Variants in SLC9A5 observed in about 807,000 individuals in gnomAD.
SLC9A5 encodes the protein sodium/hydrogen exchanger 5.
Under a neutral mutation model 91.7 loss-of-function variants are expected in SLC9A5, and 52 were observed. The observed-to-expected ratio is 0.57, with a 90% confidence interval of 0.45 to 0.71. The LOEUF (loss-of-function observed/expected upper bound fraction) is 0.71. SLC9A5 is among the 30% of genes least tolerant of loss of function. The pLI is 0.00. For synonymous variants in SLC9A5, 419 were observed against 474.5 expected, an observed-to-expected ratio of 0.88 and a Z score of 1.52; for missense variants, 871 against 1,158.9, an observed-to-expected ratio of 0.75 and a Z score of 3.61.
At position 67,259,646 on chromosome 16, in the gene SLC9A5, C is replaced by T; in HGVS notation, c.1700C>T (p.Ser567Phe). 6.2e-7 allele frequency: 1 copy of T among 1,614,150 alleles called. No homozygotes were observed. The highest frequency in any genetic ancestry group is 8.5e-7 in the Non-Finnish European group (1 of 1,180,024). The change falls in exon 11 of 16, where the codon TCT becomes TTT. Residue 567 changes from serine (S) to phenylalanine (F), a missense_variant. Ser to Phe is a radical substitution (Grantham distance 155, BLOSUM62 -2). Around this residue, in one of 3 missense-constraint regions of SLC9A5, gnomAD observed 454 missense variants for 718.3 expected, o/e 0.63. Coordinates refer to ENST00000299798, the MANE Select transcript of SLC9A5 (RefSeq NM_004594.3). The part of the protein sequence containing the change: ...MPSRNSVAET[S>F]VTNLLRESGS... The stretch of plus-strand genomic sequence containing the variant: ...AGCCGCAATTCTGTGGCAGAAACTT[C>T]TGTCACCAACCTGCTGTGAGTCCTT...
chr16:67,252,915 C>A lies in SLC9A5; in HGVS notation c.490+71C>A. ...TCCCTTCTCCTCAAGCTCTGGAGGC[C>A]CATGCTGGTGTGAGCCATGCCCTGA... On this transcript the variant is annotated intron_variant, in intron 2 of 15. Coordinates refer to ENST00000299798, the MANE Select transcript of SLC9A5 (RefSeq NM_004594.3). The surrounding 1 kb of genome is among the most constrained non-coding windows in gnomAD (Gnocchi z 4.0). 7.3e-7 allele frequency: 1 copy of A among 1,378,788 alleles called. No individual in the cohort carries two copies. The highest frequency in any genetic ancestry group is 2.4e-5 in the East Asian group (1 of 41,440). 85.4% of individuals were successfully genotyped at this position (1,378,788 alleles called of 1,614,324 possible). A position where few individuals can be genotyped will look rare whatever the true frequency, so the allele number is the denominator to read the frequency against.
In SLC9A5 at chr16:67,271,132, C is replaced by T; in HGVS notation, c.2613C>T (p.His871=). 3 of 1,613,650 alleles carry T rather than the reference C, an allele frequency of 1.9e-6. No individual in the cohort carries two copies. Among genetic ancestry groups the T allele is most frequent in the Non-Finnish European group, 2.5e-6 (3 of 1,180,032 alleles). The change falls in exon 16 of 16, where the codon CAC becomes CAT. Residue 871 remains histidine (H), a synonymous_variant. Coordinates refer to ENST00000299798, the MANE Select transcript of SLC9A5 (RefSeq NM_004594.3). ...AGGAGCTGCAGCCCCTCATGGGCCA[C>T]AAGGACCACACCCATCTCAGCCCAG... ...QQQELQPLMG[H]KDHTHLSPGT...
chr16:67,256,698 G>T lies in SLC9A5; in HGVS notation c.1132+9G>T, dbSNP rs754560602. On this transcript the variant is annotated intron_variant, in intron 6 of 15. Transcript: ENST00000299798. This position sits in a 1 kb window ranked among gnomAD's most constrained non-coding sequence, Gnocchi z 4.1. ...GTTCTTCCGAGCCCTCGGTATTGCT[G>T]GCACCCTCTGCTTTCCCACTCTCCT... 2.5e-6 allele frequency: 4 copies of T among 1,601,998 alleles called. No individual in the cohort carries two copies. The highest frequency in any genetic ancestry group is 3.4e-6 in the Non-Finnish European group (4 of 1,171,354).
chr16:67,253,189 C>T (rs1461492650), intron 2 of SLC9A5, among the ~76,000 whole-genome samples: 2 of 152,266 alleles, frequency 1.3e-5, no homozygotes, highest in East Asian at 3.9e-4. Context: ...ATCATTTCTG[C>T]AAGGGCCTGC....
chr16:67,263,423 C>G (rs1026092416), intron 12 of SLC9A5: 4 of 149,618 alleles, frequency 2.7e-5, no homozygotes, highest in South Asian at 2.1e-4. Context: ...TGAAAAGGTG[C>G]TAAGCAAGGA....
At chr16:67,250,380 C>G (rs974425713) in intron 1 of SLC9A5, among the ~76,000 whole-genome samples, 4 of 152,056 alleles carry the variant, frequency 2.6e-5, no homozygotes. Context: ...AAAGTAGGGA[C>G]AAGTATGGAG....
intron 12 of SLC9A5, among the ~76,000 whole-genome samples, chr16:67,260,354 CAAAAAAAAAAA>C (rs397932908): frequency 3.0e-5 from 1 of 33,468 alleles, no homozygotes; most frequent in African/African-American, 1.9e-4. Flanking sequence ...GACTCCATCT[CAAAAAAAAAAA>C]AAAAAAAAAA....
intron 12 of SLC9A5, 29 bp downstream of exon 12, chr16:67,259,975 A>C: frequency 1.2e-6 from 2 of 1,609,458 alleles, no homozygotes; most frequent in Non-Finnish European, 1.7e-6. Flanking sequence ...CAGGATTTTG[A>C]GGGGGTGGAG....
At chr16:67,260,218 G>C (rs144253627) in intron 12 of SLC9A5, among the ~76,000 whole-genome samples, 2 of 151,866 alleles carry the variant, frequency 1.3e-5, no homozygotes, top group South Asian at 2.1e-4. Flanking sequence ...AGCTGGGTGC[G>C]GTGGCACATG....
intron 10 of SLC9A5, 44 bp from the exon 11 acceptor site, chr16:67,259,529 C>T (rs2035448513): frequency 7.0e-7 from 1 of 1,427,430 alleles, no homozygotes; most frequent in South Asian, 1.1e-5. Flanking sequence ...TCCTGGGCAA[C>T]CCTCCATCTG....
chr16:67,251,551 C>A (rs1235172702), intron 1 of SLC9A5, among the ~76,000 whole-genome samples: 2 of 151,326 alleles, frequency 1.3e-5, no homozygotes, highest in African/African-American at 4.9e-5. Context: ...GTAGCTGGGA[C>A]TACCGGCACC....
chr16:67,257,722 T>G lies in SLC9A5; in HGVS notation c.1496+121T>G, dbSNP rs1369474357. 1.0e-6 allele frequency: 1 copy of G among 1,003,948 alleles called. No individual in the cohort carries two copies. The highest frequency in any genetic ancestry group is 1.6e-5 in the African/African-American group (1 of 63,256). The allele number at this position is 1,003,948 out of a possible 1,614,324, so 62.2% of individuals were successfully genotyped here. ...AGGTTCAGGCTGGGTGACCTCTGCCTGAAGCCCTTCAGTGGCATCCCAGTG... is the reference window on the plus strand; with the variant it reads ...AGGTTCAGGCTGGGTGACCTCTGCCGGAAGCCCTTCAGTGGCATCCCAGTG... On this transcript the variant is annotated intron_variant, in intron 9 of 15. Coordinates refer to ENST00000299798, the MANE Select transcript of SLC9A5 (RefSeq NM_004594.3). This position sits in a 1 kb window ranked among gnomAD's most constrained non-coding sequence, Gnocchi z 5.1.
At chr16:67,265,211 C>T (rs2035661050) in intron 14 of SLC9A5, 105 bp downstream of exon 14, 7 of 1,025,348 alleles carry the variant, frequency 6.8e-6, no homozygotes, top group South Asian at 1.3e-5. Context: ...CATTCAGCAC[C>T]GTGACCTGGG....
Position 67,256,809 on chromosome 16 carries a change from G to A in SLC9A5, c.1133-102G>A. The A allele has an allele frequency of 7.2e-7, 1 of 1,380,098 alleles. No individual in the cohort carries two copies. The highest frequency in any genetic ancestry group is 1.0e-6 in the Non-Finnish European group (1 of 979,408). 85.5% of individuals were successfully genotyped at this position (1,380,098 alleles called of 1,614,324 possible). A position where few individuals can be genotyped will look rare whatever the true frequency, so the allele number is the denominator to read the frequency against. ...CTAAGCCTCCTCTTGTTGCTCACCT[G>A]TCCCAGCCCCTGTTAGACCTCAGCC... On this transcript the variant is annotated intron_variant, in intron 6 of 15. Coordinates refer to ENST00000299798, the MANE Select transcript of SLC9A5 (RefSeq NM_004594.3). The surrounding 1 kb of genome is among the most constrained non-coding windows in gnomAD (Gnocchi z 4.1).
At chr16:67,251,581 T>C (rs2035124954) in intron 1 of SLC9A5, among the ~76,000 whole-genome samples, 1 of 151,770 alleles carries the variant, frequency 6.6e-6, no homozygotes. Context: ...GCCCAGCTAA[T>C]TTTTGTATTT....
chr16:67,249,973 G>A (rs2035051956), intron 1 of SLC9A5, among the ~76,000 whole-genome samples: 1 of 152,162 alleles, frequency 6.6e-6, no homozygotes, highest in Non-Finnish European at 1.5e-5. Flanking sequence ...TGAGCAGCCA[G>A]TGGTCCCTCC....
chr16:67,264,574 A>C, intron 13 of SLC9A5, 52 bp downstream of exon 13: 2 of 1,587,330 alleles, frequency 1.3e-6, no homozygotes, highest in Non-Finnish European at 1.7e-6. Flanking sequence ...GACAGCAAGC[A>C]GTTTTGAGCC....
chr16:67,256,925 A>G lies in SLC9A5; in HGVS notation c.1147A>G (p.Thr383Ala). ...TCCCGCTGTAGGCGTAGTCCTGCAG[A>G]CCTGGGTGCTGAATCAGTTCCGGCT... is the stretch of plus-strand genomic sequence containing the variant. ...FFRALGVVLQTWVLNQFRLVP... is the reference protein window; with the variant it reads ...FFRALGVVLQAWVLNQFRLVP... The change falls in exon 7 of 16, where the codon ACC (threonine) becomes GCC (alanine). Residue 383 changes from threonine to alanine, a missense_variant. This residue lies in a region of SLC9A5 where 454 missense variants were observed against 718.3 expected (regional missense o/e 0.63). Coordinates refer to ENST00000299798, the MANE Select transcript of SLC9A5 (RefSeq NM_004594.3). This position sits in a 1 kb window ranked among gnomAD's most constrained non-coding sequence, Gnocchi z 4.1. 1 of 1,613,930 alleles carries G rather than the reference A, an allele frequency of 6.2e-7. No individual in the cohort carries two copies. The highest frequency in any genetic ancestry group is 8.5e-7 in the Non-Finnish European group (1 of 1,180,012).
rs757597015 is a variant in SLC9A5, at chr16:67,259,920, G to A, written c.1816G>A (p.Gly606Arg). Residue 606 changes from glycine to arginine, a missense_variant, in exon 12 of 16, where the codon GGA becomes AGA. Gly to Arg is a moderately radical substitution (Grantham distance 125). This residue lies in a region of SLC9A5 where 454 missense variants were observed against 718.3 expected (regional missense o/e 0.63). Transcript: ENST00000299798. ...EDAVMHHLLC[G>R]GLYKPRRRYK... ...TGCTGTGATGCATCATCTGCTCTGC[G>A]GAGGCCTCTACAAGCCGCGCCGTAG... is the stretch of plus-strand genomic sequence containing the variant. The A allele has an allele frequency of 8.1e-6, 13 of 1,613,912 alleles. No individual in the cohort carries two copies. The highest frequency in any genetic ancestry group is 8.0e-5 in the African/African-American group (6 of 74,874).
Sources: allele counts gnomAD v4.1 joint callset (sites outside exome capture counted in the v4.1 genomes callset), GRCh38; gene constraint gnomAD v4.1.1; regional missense constraint gnomAD v4.1.1; non-coding constraint Gnocchi (gnomAD v3.1); transcripts MANE v1.5; gene names NCBI Gene and HGNC (gene_info 2026-07-23, HGNC 2026-07-21).